Variants in TSPAN11 observed in about 807,000 individuals in gnomAD.
TSPAN11 encodes the protein tetraspanin 11, also known as tetraspanin-11.
In TSPAN11, 29 loss-of-function variants were observed where a neutral mutation model predicts 32.9. The ratio of observed to expected loss-of-function variants is 0.88; its 90% CI spans 0.66 to 1.20. The LOEUF (loss-of-function observed/expected upper bound fraction) is 1.20, where lower values mean the gene tolerates loss of function less well. TSPAN11 is among the 50% of genes most tolerant of loss of function. TSPAN11 has a pLI of 0.00. For synonymous variants in TSPAN11, 140 were observed against 141.3 expected (o/e 0.99, Z 0.07); for missense variants, 283 against 329.1 (o/e 0.86, Z 1.08).
At chr12:31,015,108 C>T in the TSPAN11 span, among the ~76,000 whole-genome samples, 1 of 152,198 alleles carries the variant, frequency 6.6e-6, no homozygotes, top group Non-Finnish European at 1.5e-5. This position sits in a 1 kb window ranked among gnomAD's most constrained non-coding sequence, Gnocchi z 4.9. Flanking sequence ...TGGTGCTTTC[C>T]TCACATCTGT....
In TSPAN11 at chr12:30,991,932, C is replaced by T; in HGVS notation, c.*17C>T. 1 of 1,614,156 alleles carries T rather than the reference C, an allele frequency of 6.2e-7. No individual in the cohort carries two copies. Among genetic ancestry groups the T allele is most frequent in the East Asian group, 2.2e-5 (1 of 44,874 alleles). On this transcript the variant is annotated 3_prime_UTR_variant, in exon 8 of 8. Transcript: ENST00000546076. Reference sequence around the variant, plus strand: ...TTTTACTAATGGCCAACCACCTCCTCTTCCAACTGCCCCTCAAGACAACAT... The same window carrying T: ...TTTTACTAATGGCCAACCACCTCCTTTTCCAACTGCCCCTCAAGACAACAT...
At chr12:30,979,486 G>C in intron 4 of TSPAN11, 80 bp from the exon 5 acceptor site, 1 of 1,276,872 alleles carries the variant, frequency 7.8e-7, no homozygotes, top group South Asian at 1.2e-5. Flanking sequence ...ATTAGCTGGG[G>C]GGAGTTGGAA....
At chr12:30,927,190 T>C (rs1309439907) in intron 1 of TSPAN11, among the ~76,000 whole-genome samples, 2 of 152,242 alleles carry the variant, frequency 1.3e-5, no homozygotes, top group African/African-American at 4.8e-5. Flanking sequence ...TTCGAGTAGC[T>C]GCCTCTCATG....
chr12:31,013,173 T>C, the TSPAN11 span, among the ~76,000 whole-genome samples: 1 of 152,118 alleles, frequency 6.6e-6, no homozygotes, highest in Non-Finnish European at 1.5e-5. Flanking sequence ...ACAAAAACAA[T>C]TAAACTTTAA....
At chr12:30,926,874 C>T (rs112653220) in intron 1 of TSPAN11, 78 bp downstream of exon 1, 2 of 1,202,878 alleles carry the variant, frequency 1.7e-6, no homozygotes, top group South Asian at 1.4e-5. Context: ...CCTCCACCTC[C>T]GCTGCCCGCC....
the TSPAN11 span, among the ~76,000 whole-genome samples, chr12:31,007,330 G>A: frequency 1.3e-5 from 2 of 152,066 alleles, no homozygotes; most frequent in East Asian, 3.9e-4. Context: ...GCCACACCCA[G>A]ACCCACAAAC....
chr12:31,012,448 C>G, the TSPAN11 span: 2 of 153,096 alleles, frequency 1.3e-5, no homozygotes, highest in Non-Finnish European at 2.9e-5. Flanking sequence ...GCACCTACTC[C>G]TCTGCTCCCC....
At chr12:30,997,033 G>A (rs1478898898), downstream of TSPAN11, 1 of 152,132 alleles carries the variant, frequency 6.6e-6, no homozygotes, top group Non-Finnish European at 1.5e-5. Flanking sequence ...GAAAAGTCAG[G>A]AGCAAGGGGG....
At chr12:30,972,769 G>C (rs765642654) in intron 3 of TSPAN11, among the ~76,000 whole-genome samples, 4 of 150,818 alleles carry the variant, frequency 2.7e-5, no homozygotes, top group African/African-American at 9.8e-5. Context: ...AGTTGCTCTC[G>C]TGCCATTCTT....
chr12:31,014,208 A>G, the TSPAN11 span, among the ~76,000 whole-genome samples: 15 of 152,236 alleles, frequency 9.9e-5, no homozygotes, highest in African/African-American at 3.6e-4. Context: ...TCGTAACATT[A>G]TCATTTTACA....
the TSPAN11 span, among the ~76,000 whole-genome samples, chr12:31,008,646 C>T: frequency 6.6e-6 from 1 of 152,228 alleles, no homozygotes; most frequent in South Asian, 2.1e-4. Flanking sequence ...GCTCTACTCC[C>T]TCCACCATCC....
rs575827323 is a variant in TSPAN11 at position 30,975,337 on chromosome 12, C to T, written c.277-3224C>T. Among the ~76,000 whole-genome samples, 3 of 152,184 alleles carry T rather than the reference C, an allele frequency of 2.0e-5. No homozygotes were observed. Among genetic ancestry groups the T allele is most frequent in the South Asian group, 2.1e-4 (1 of 4,818 alleles). On this transcript the variant is annotated intron_variant, in intron 3 of 7. Transcript: ENST00000546076. This position sits in a 1 kb window ranked among gnomAD's most constrained non-coding sequence, Gnocchi z 4.5. ...CACCTGTCCAGGTGAGTCACACACC[C>T]GCAGCCTCCCTGCTGTGGAAGCTGC...
intron 2 of TSPAN11, among the ~76,000 whole-genome samples, chr12:30,956,588 G>A (rs906876353): frequency 2.6e-5 from 4 of 151,964 alleles, no homozygotes; most frequent in African/African-American, 7.3e-5. Context: ...AGCTGATGTC[G>A]ATTGGATGAT....
At chr12:30,996,956 C>A (rs564794713), downstream of TSPAN11, 2 of 152,376 alleles carry the variant, frequency 1.3e-5, no homozygotes, top group South Asian at 4.1e-4. Flanking sequence ...TGTTCATGAA[C>A]CTGCAGTGAG....
rs770171152 is a variant in TSPAN11 at position 30,979,690 on chromosome 12, G to A, written c.456+20G>A. Reference sequence around the variant, plus strand: ...CAGGATGTAAGCCATGCCCCATATGGCCTTGAAGGCCAAGCCCACAAGGAT... The same window carrying A: ...CAGGATGTAAGCCATGCCCCATATGACCTTGAAGGCCAAGCCCACAAGGAT... On this transcript the variant is annotated intron_variant, in intron 5 of 7. Coordinates refer to ENST00000546076, the MANE Select transcript of TSPAN11 (RefSeq NM_001370302.1). The A allele has an allele frequency of 6.2e-7, 1 of 1,612,240 alleles. No homozygotes were observed. The highest frequency in any genetic ancestry group is 2.2e-5 in the East Asian group (1 of 44,868).
intron 1 of TSPAN11, among the ~76,000 whole-genome samples, chr12:30,948,304 C>T (rs1487191183): frequency 6.6e-6 from 1 of 152,252 alleles, no homozygotes; most frequent in African/African-American, 2.4e-5. Flanking sequence ...CTCCACTAGG[C>T]AGTGCCCCAG....
At chr12:30,978,484 C>T (rs1939018837) in intron 3 of TSPAN11, 77 bp from the exon 4 acceptor site, 4 of 1,448,224 alleles carry the variant, frequency 2.8e-6, no homozygotes, top group Non-Finnish European at 9.7e-7. Flanking sequence ...TCTCTACCAC[C>T]CCCACCACTG....
the TSPAN11 span, among the ~76,000 whole-genome samples, chr12:31,009,665 C>A: frequency 6.6e-6 from 1 of 152,128 alleles, no homozygotes; most frequent in Non-Finnish European, 1.5e-5. Context: ...GGAGAGGGGC[C>A]ATCTGTCCGT....
chr12:30,963,898 G>A lies in TSPAN11; in HGVS notation c.157G>A (p.Ala53Thr). ...GAAGAGTGGCTACCTCAGCGTCCTGGCCTCCAGCACCTTTGCCGCCTCCGC... is the reference window on the plus strand; with the variant it reads ...GAAGAGTGGCTACCTCAGCGTCCTGACCTCCAGCACCTTTGCCGCCTCCGC... ...VEKSGYLSVLASSTFAASAYI... is the reference protein window; with the variant it reads ...VEKSGYLSVLTSSTFAASAYI... Residue 53 changes from alanine (A) to threonine (T), a missense_variant, in exon 3 of 8, where the codon GCC becomes ACC. Ala to Thr is a moderately conservative substitution (Grantham distance 58, BLOSUM62 0). Coordinates refer to ENST00000546076, the MANE Select transcript of TSPAN11 (RefSeq NM_001370302.1). The A allele has an allele frequency of 6.2e-7, 1 of 1,613,552 alleles. No individual in the cohort carries two copies. Among genetic ancestry groups the A allele is most frequent in the Non-Finnish European group, 8.5e-7 (1 of 1,180,032 alleles).
Sources: gnomAD v4.1 joint callset for allele counts (sites outside exome capture counted in the v4.1 genomes callset) on GRCh38, gnomAD v4.1.1 for gene constraint, Gnocchi (gnomAD v3.1) non-coding constraint, MANE v1.5 for transcripts, NCBI Gene and HGNC (gene_info 2026-07-23, HGNC 2026-07-21) for gene names.